ROBO2: variants seen among roughly 807,000 people sequenced by gnomAD.
The protein encoded by ROBO2 is roundabout homolog 2.
ROBO2 carries 53 observed loss-of-function variants against 160.8 expected under a neutral mutation model. That is an observed-to-expected ratio of 0.33 (90% CI 0.26 to 0.41). The LOEUF (loss-of-function observed/expected upper bound fraction) is 0.41, where lower values mean the gene tolerates loss of function less well. ROBO2 is among the 10% of genes least tolerant of loss of function. The pLI, the probability that ROBO2 is intolerant of heterozygous loss-of-function variation, is 1.00. For missense variants in ROBO2, 1,577 were observed against 1,722.4 expected (o/e 0.92, Z 1.49); for synonymous variants, 664 against 611.7 (o/e 1.09, Z -1.26).
At chr3:76,614,663 T>C (rs2088424216) in intron 2 of ROBO2, among the ~76,000 whole-genome samples, 1 of 152,184 alleles carries the variant, frequency 6.6e-6, no homozygotes, top group Non-Finnish European at 1.5e-5. Context: ...TTATCAACAA[T>C]GGTTTAATTT....
chr3:77,086,318 A>G (rs986465710), intron 1 of ROBO2, among the ~76,000 whole-genome samples: 5 of 152,088 alleles, frequency 3.3e-5, no homozygotes, highest in Admixed American at 6.5e-5. Context: ...ATCTCATTCA[A>G]TCTTCTCAGC....
chr3:76,437,626 AC>A (rs2076745090), intron 2 of ROBO2, among the ~76,000 whole-genome samples: 1 of 152,172 alleles, frequency 6.6e-6, no homozygotes, highest in Admixed American at 6.5e-5. Flanking sequence ...AAATTATTAT[AC>A]ATACTTGTTA....
intron 2 of ROBO2, among the ~76,000 whole-genome samples, chr3:77,442,824 A>G (rs186566236): frequency 6.6e-6 from 1 of 152,310 alleles, no homozygotes; most frequent in Non-Finnish European, 1.5e-5. Context: ...ACTTTCCCAT[A>G]TAAAGTTTCT....
chr3:76,490,413 G>C (rs1446081428), intron 2 of ROBO2, among the ~76,000 whole-genome samples: 1 of 152,134 alleles, frequency 6.6e-6, no homozygotes, highest in Non-Finnish European at 1.5e-5. Context: ...TTACAAATCT[G>C]TTTGGTTTCC....
intron 2 of ROBO2, among the ~76,000 whole-genome samples, chr3:76,105,930 A>G (rs2069909049): frequency 6.6e-6 from 1 of 152,130 alleles, no homozygotes; most frequent in South Asian, 2.1e-4. Flanking sequence ...AGGAAAAGTT[A>G]TTTCATAATA....
At chr3:77,432,727 G>A (rs2078904051) in intron 2 of ROBO2, among the ~76,000 whole-genome samples, 1 of 152,112 alleles carries the variant, frequency 6.6e-6, no homozygotes, top group Non-Finnish European at 1.5e-5. Context: ...GGTCTTTAAT[G>A]ACCACAAGGA....
chr3:76,479,300 A>C (rs2079091932), intron 2 of ROBO2, among the ~76,000 whole-genome samples: 1 of 152,108 alleles, frequency 6.6e-6, no homozygotes, highest in East Asian at 1.9e-4. Context: ...GTAACAGTTC[A>C]TTTTTACTAG....
chr3:75,911,553 T>TTTC (rs1946583705), intron 1 of ROBO2, among the ~76,000 whole-genome samples: 1 of 36,228 alleles, frequency 2.8e-5, no homozygotes, highest in African/African-American at 2.1e-4. Context: ...GCCTTGTTTC[T>TTTC]TTTTTTTTTT....
At chr3:77,423,173 C>T (rs1025356875) in intron 2 of ROBO2, among the ~76,000 whole-genome samples, 1 of 152,146 alleles carries the variant, frequency 6.6e-6, no homozygotes, top group Non-Finnish European at 1.5e-5. Flanking sequence ...TTTTCACCAG[C>T]TTATGAAGCA....
chr3:76,135,580 A>G (rs1180697991), intron 2 of ROBO2, among the ~76,000 whole-genome samples: 1 of 152,148 alleles, frequency 6.6e-6, no homozygotes, highest in Non-Finnish European at 1.5e-5. Context: ...AACATGTTCA[A>G]TGTATCACAA....
chr3:77,456,052 G>A lies in ROBO2; in HGVS notation c.389-21362G>A, dbSNP rs73103642. 3.8e-3 allele frequency among the ~76,000 whole-genome samples: 577 copies of A among 152,232 alleles called. 2 individuals are homozygous for A. Among genetic ancestry groups the A allele is most frequent in the Non-Finnish European group, 7.1e-3 (483 of 68,014 alleles). On this transcript the variant is annotated intron_variant, in intron 2 of 25. Coordinates refer to ENST00000461745, the Ensembl canonical transcript of ROBO2. ...ATAGAGGAATTATTCAGAAAGTATTGTCAGTGCTCATATGTAACCTTGAAT... is the reference window on the plus strand; with the variant it reads ...ATAGAGGAATTATTCAGAAAGTATTATCAGTGCTCATATGTAACCTTGAAT...
intron 2 of ROBO2, among the ~76,000 whole-genome samples, chr3:76,485,036 G>C (rs1441009039): frequency 6.6e-6 from 1 of 151,894 alleles, no homozygotes; most frequent in Non-Finnish European, 1.5e-5. Context: ...CAACCTTTTT[G>C]GTACCAAAGA....
intron 2 of ROBO2, among the ~76,000 whole-genome samples, chr3:77,279,593 A>G (rs994648977): frequency 1.3e-5 from 2 of 152,138 alleles, no homozygotes; most frequent in African/African-American, 4.8e-5. Context: ...TTGTTGTTTT[A>G]GTTAAATGTT....
chr3:76,798,942 T>C (rs1421178702), intron 2 of ROBO2, among the ~76,000 whole-genome samples: 6 of 150,176 alleles, frequency 4.0e-5, no homozygotes. Context: ...CAGGAACATA[T>C]CTCAACAAAA....
intron 2 of ROBO2, among the ~76,000 whole-genome samples, chr3:75,967,387 T>TAA (rs1949153390): frequency 6.6e-6 from 1 of 151,648 alleles, no homozygotes; most frequent in Non-Finnish European, 1.5e-5. Context: ...ACTAAAAGTG[T>TAA]ATAAGTCAAC....
intron 2 of ROBO2, among the ~76,000 whole-genome samples, chr3:76,776,615 C>T (rs1309188655): frequency 6.6e-6 from 1 of 150,850 alleles, no homozygotes; most frequent in African/African-American, 2.4e-5. Context: ...TGATCCATTG[C>T]TCATCATAGT....
intron 2 of ROBO2, among the ~76,000 whole-genome samples, chr3:76,878,339 CA>C (rs1010955386): frequency 2.6e-5 from 4 of 152,024 alleles, no homozygotes; most frequent in East Asian, 1.9e-4. Flanking sequence ...TAAAGACAAA[CA>C]AAAAAATGAC....
intron 2 of ROBO2, among the ~76,000 whole-genome samples, chr3:76,819,820 C>T (rs2065964664): frequency 1.3e-5 from 2 of 152,046 alleles, no homozygotes; most frequent in Admixed American, 1.3e-4. Flanking sequence ...GCATTCAGAG[C>T]AAGATCAAAT....
chr3:77,494,282 A>T lies in ROBO2; in HGVS notation c.806+900A>T, dbSNP rs187921398. Among the ~76,000 whole-genome samples the T allele has an allele frequency of 3.8e-3, 577 of 151,572 alleles. 2 individuals are homozygous for T. Among genetic ancestry groups the T allele is most frequent in the African/African-American group, 9.6e-3 (394 of 41,234 alleles). On this transcript the variant is annotated intron_variant, in intron 5 of 25. Coordinates refer to ENST00000461745, the Ensembl canonical transcript of ROBO2. ...GTTTTTCTAATTTTTCTTTTTTTTAAAAAAAATTTTTTGGCTGGGCACGAT... is the reference window on the plus strand; with the variant it reads ...GTTTTTCTAATTTTTCTTTTTTTTATAAAAAATTTTTTGGCTGGGCACGAT...
Sources: allele counts gnomAD v4.1 joint callset (sites outside exome capture counted in the v4.1 genomes callset), GRCh38; gene constraint gnomAD v4.1.1; transcripts MANE v1.5; gene names NCBI Gene and HGNC (gene_info 2026-07-23, HGNC 2026-07-21).